The following NRG1 variants were observed in gnomAD, a reference collection of about 807,000 sequenced individuals.
NRG1 encodes pro-neuregulin-1, membrane-bound isoform.
A neutral mutation model predicts 63.8 loss-of-function variants in NRG1; 18 were observed. That is an observed-to-expected ratio of 0.28 (90% CI 0.19 to 0.42). NRG1 has a LOEUF of 0.42. NRG1 is among the 10% of genes least tolerant of loss of function. The pLI is 1.00. For synonymous variants in NRG1, 302 were observed against 301.3 expected, an observed-to-expected ratio of 1.00 and a Z score of -0.02; for missense variants, 762 against 814.7, an observed-to-expected ratio of 0.94 and a Z score of 0.79.
chr8:32,460,010 C>T (rs77719670), intron 1 of NRG1, among the ~76,000 whole-genome samples: 317 of 152,336 alleles, frequency 2.1e-3, no homozygotes, highest in Non-Finnish European at 3.1e-3. Context: ...ACACTTACCA[C>T]TGCCTGATAT....
At chr8:32,048,442 C>CATATATATATAT (rs746098368) in intron 1 of NRG1, among the ~76,000 whole-genome samples, 2 of 134,884 alleles carry the variant, frequency 1.5e-5, no homozygotes, top group African/African-American at 5.8e-5. Flanking sequence ...CACATATATA[C>CATATATATATAT]ATACATATAT....
chr8:32,518,275 C>T (rs1830024161), intron 1 of NRG1, among the ~76,000 whole-genome samples: 1 of 152,140 alleles, frequency 6.6e-6, no homozygotes, highest in South Asian at 2.1e-4. Flanking sequence ...GTTACCTCTA[C>T]CTCCAGAACA....
intron 1 of NRG1, among the ~76,000 whole-genome samples, chr8:32,419,772 T>C (rs1319696058): frequency 1.3e-5 from 2 of 152,174 alleles, no homozygotes; most frequent in African/African-American, 4.8e-5. Flanking sequence ...GAATAACTAG[T>C]ACAACATAAC....
chr8:32,025,469 ATATTT>A (rs1323608560), intron 1 of NRG1, among the ~76,000 whole-genome samples: 1 of 152,224 alleles, frequency 6.6e-6, no homozygotes, highest in Non-Finnish European at 1.5e-5. Flanking sequence ...AGTATAATTG[ATATTT>A]TAATTTAACA....
chr8:32,142,906 AC>A (rs1836437674), intron 1 of NRG1, among the ~76,000 whole-genome samples: 1 of 152,256 alleles, frequency 6.6e-6, no homozygotes, highest in African/African-American at 2.4e-5. Context: ...CTAAAGGTAT[AC>A]TTATGTCTGC....
intron 1 of NRG1, among the ~76,000 whole-genome samples, chr8:31,661,546 A>G (rs7006093): frequency 0.95 from 144,335 of 152,266 alleles, 68,862 homozygotes; most frequent in East Asian, 1. Context: ...TGATTCCTGT[A>G]TCATTCATTT....
At chr8:31,865,403 T>G (rs556107309) in intron 1 of NRG1, among the ~76,000 whole-genome samples, 1 of 152,170 alleles carries the variant, frequency 6.6e-6, no homozygotes, top group African/African-American at 2.4e-5. Context: ...ACAAGTGTTC[T>G]GAAGTTTCTC....
chr8:31,825,312 C>T (rs564950691), intron 1 of NRG1, among the ~76,000 whole-genome samples: 14 of 151,754 alleles, frequency 9.2e-5, no homozygotes, highest in African/African-American at 2.9e-4. Flanking sequence ...GGCATGAACC[C>T]GGGAGGCGCA....
At chr8:31,906,560 T>C (rs1832536753) in intron 1 of NRG1, among the ~76,000 whole-genome samples, 1 of 152,186 alleles carries the variant, frequency 6.6e-6, no homozygotes, top group Non-Finnish European at 1.5e-5. Context: ...CAGTATATTC[T>C]TTTTCATGTG....
At chr8:31,980,453 A>G (rs1262112723) in intron 1 of NRG1, among the ~76,000 whole-genome samples, 3 of 152,018 alleles carry the variant, frequency 2.0e-5, no homozygotes, top group Admixed American at 6.6e-5. Flanking sequence ...CTTTATGAAT[A>G]TGTCTCTTAA....
chr8:32,450,842 G>A (rs1042280812), intron 1 of NRG1, among the ~76,000 whole-genome samples: 7 of 152,158 alleles, frequency 4.6e-5, no homozygotes, highest in African/African-American at 1.7e-4. Context: ...TGGTTGCAGT[G>A]CTTTTTTGTT....
At chr8:32,422,024 A>G (rs1816758064) in intron 1 of NRG1, among the ~76,000 whole-genome samples, 1 of 152,126 alleles carries the variant, frequency 6.6e-6, no homozygotes, top group African/African-American at 2.4e-5. Flanking sequence ...ATGAAAAATT[A>G]CCTTAGAGGT....
chr8:32,653,892 A>C (rs1855694752), intron 5 of NRG1, among the ~76,000 whole-genome samples: 1 of 152,190 alleles, frequency 6.6e-6, no homozygotes, highest in African/African-American at 2.4e-5. Flanking sequence ...CAGTGAGTGA[A>C]GTTAATCCTC....
At chr8:32,274,802 TC>T (rs1258684667) in intron 1 of NRG1, among the ~76,000 whole-genome samples, 2 of 152,204 alleles carry the variant, frequency 1.3e-5, no homozygotes, top group Non-Finnish European at 2.9e-5. Context: ...AGGCAAACCC[TC>T]CAACAAATGT....
intron 1 of NRG1, among the ~76,000 whole-genome samples, chr8:32,104,974 T>C (rs1831074564): frequency 1.3e-5 from 2 of 152,050 alleles, no homozygotes; most frequent in Non-Finnish European, 2.9e-5. Flanking sequence ...AAAAGTGCAG[T>C]ATAGTAAATA....
At chr8:32,570,671 C>G (rs62500218) in intron 1 of NRG1, among the ~76,000 whole-genome samples, 6,822 of 152,174 alleles carry the variant, frequency 0.045, 207 homozygotes, top group Non-Finnish European at 0.068. Context: ...CAGTGTATTT[C>G]CCAGCTTCAG....
At chr8:32,763,155 A>G in intron 11 of NRG1, 8 of 1,537,916 alleles carry the variant, frequency 5.2e-6, no homozygotes, top group South Asian at 1.1e-5. Flanking sequence ...TGAAAAGCAC[A>G]CAAATGTATG....
rs137876356 is a variant in NRG1 at position 32,117,793 on chromosome 8, C to A, written c.38-478035C>A. Among the ~76,000 whole-genome samples the A allele has an allele frequency of 2.9e-3, 435 of 152,124 alleles. 2 individuals carry two copies. Among genetic ancestry groups the A allele is most frequent in the African/African-American group, 9.8e-3 (406 of 41,520 alleles). ...TGGTTCTTTGACAATTTTTGTAATT[C>A]ATTCTCTAGTGAAATATTTCCCCAA... On this transcript the variant is annotated intron_variant, in intron 1 of 10. Coordinates refer to the NRG1 transcript ENST00000519301.
intron 1 of NRG1, among the ~76,000 whole-genome samples, chr8:31,963,928 A>T (rs1805894361): frequency 6.6e-6 from 1 of 152,170 alleles, no homozygotes; most frequent in South Asian, 2.1e-4. Context: ...TCTGTAGGCA[A>T]GTTTGATCCT....
Sources: allele counts gnomAD v4.1 joint callset (sites outside exome capture counted in the v4.1 genomes callset), GRCh38; gene constraint gnomAD v4.1.1; transcripts MANE v1.5; gene names NCBI Gene and HGNC (gene_info 2026-07-23, HGNC 2026-07-21).